Variants in LDB2 observed in about 807,000 individuals in gnomAD.
LDB2 encodes the protein LIM domain binding 2, also known as LIM domain-binding protein 2.
A neutral mutation model predicts 44.3 loss-of-function variants in LDB2; 12 were observed. That is an observed-to-expected ratio of 0.27 (90% CI 0.17 to 0.44). The LOEUF (loss-of-function observed/expected upper bound fraction) is 0.44, where lower values mean the gene tolerates loss of function less well. Ranked by LOEUF, LDB2 falls within the 20% of genes least tolerant of loss-of-function variation. The pLI, the probability that LDB2 is intolerant of heterozygous loss-of-function variation, is 1.00. For synonymous variants in LDB2, 164 were observed against 174.8 expected (o/e 0.94, Z 0.49); for missense variants, 344 against 473.5 (o/e 0.73, Z 2.54).
At chr4:16,843,386 T>C (rs1786273250) in intron 1 of LDB2, among the ~76,000 whole-genome samples, 1 of 152,196 alleles carries the variant, frequency 6.6e-6, no homozygotes, top group African/African-American at 2.4e-5. Context: ...CTCCAAAGAC[T>C]AGAGCCAGGT....
chr4:16,766,494 GTGTGTGTGTGTA>G (rs1306546878), intron 1 of LDB2, among the ~76,000 whole-genome samples: 20 of 116,332 alleles, frequency 1.7e-4, no homozygotes, highest in East Asian at 1.0e-3. Flanking sequence ...GTGTGTGTGT[GTGTGTGTGTGTA>G]TATATTTTTT....
chr4:16,763,136 C>T (rs200789669), intron 1 of LDB2, among the ~76,000 whole-genome samples: 2 of 144,614 alleles, frequency 1.4e-5, no homozygotes, highest in East Asian at 4.4e-4. Context: ...GTTTTGGTCA[C>T]AAATCTTGAA....
chr4:16,625,216 T>G (rs2152486426), intron 2 of LDB2, among the ~76,000 whole-genome samples: 1 of 152,334 alleles, frequency 6.6e-6, no homozygotes, highest in African/African-American at 2.4e-5. Flanking sequence ...AGCACAGAAC[T>G]TCTTATAGCC....
In LDB2 at chr4:16,508,928, C is replaced by G. The variant is rs934588471; in HGVS notation, c.740-242G>C. Among the ~76,000 whole-genome samples the G allele has an allele frequency of 9.2e-5, 14 of 151,818 alleles. 1 individual carries two copies. The highest frequency in any genetic ancestry group is 9.2e-4 in the Admixed American group (14 of 15,240). On this transcript the variant is annotated intron_variant, in intron 6 of 7. Coordinates refer to ENST00000304523, the MANE Select transcript of LDB2 (RefSeq NM_001290.5). ...AATAATTTTTATTTAATCATTCTCT[C>G]TAATGGTATGTATTTAATTTTGTAA...
intron 2 of LDB2, among the ~76,000 whole-genome samples, chr4:16,676,428 C>A (rs1274132293): frequency 1.3e-5 from 2 of 152,210 alleles, no homozygotes; most frequent in Non-Finnish European, 2.9e-5. Flanking sequence ...TAAGGGGAAG[C>A]CCCTTCGCCA....
intron 1 of LDB2, among the ~76,000 whole-genome samples, chr4:16,829,024 T>G (rs993716442): frequency 8.5e-5 from 13 of 152,172 alleles, no homozygotes; most frequent in Non-Finnish European, 1.3e-4. Flanking sequence ...TAAGAACACT[T>G]ACATTCTCAG....
At chr4:16,646,641 G>A (rs75458202) in intron 2 of LDB2, among the ~76,000 whole-genome samples, 2,970 of 152,284 alleles carry the variant, frequency 0.02, 27 homozygotes, top group East Asian at 0.04. Flanking sequence ...GACCGGCGGA[G>A]TTACAGCTGA....
At position 16,759,208 on chromosome 4, in the gene LDB2, T is replaced by C; in HGVS notation, c.185A>G (p.Asp62Gly). The change falls in exon 2 of 8, where the codon GAC becomes GGC. Residue 62 changes from aspartate to glycine, a missense_variant. Physicochemically the swap from Asp to Gly is moderately conservative, Grantham distance 94. This residue lies in a region of LDB2 where 226 missense variants were observed against 270.1 expected (regional missense o/e 0.84). Transcript: ENST00000304523. ...ACAAAATGAAAGGGTTAATGTGGCG[T>C]CATCTTCAAAAAATTCAGTGGCAAA... ...DAFATEFFED[D>G]ATLTLSFCLE... 1 of 1,614,122 alleles carries C rather than the reference T, an allele frequency of 6.2e-7. No individual in the cohort carries two copies. The highest frequency in any genetic ancestry group is 8.5e-7 in the Non-Finnish European group (1 of 1,179,990).
intron 2 of LDB2, among the ~76,000 whole-genome samples, chr4:16,727,975 T>C (rs994975265): frequency 1.3e-5 from 2 of 152,170 alleles, no homozygotes; most frequent in African/African-American, 4.8e-5. Context: ...GGAGCAGCCA[T>C]TTAAAAATGG....
intron 2 of LDB2, among the ~76,000 whole-genome samples, chr4:16,616,034 G>A (rs1448948825): frequency 6.6e-6 from 1 of 152,158 alleles, no homozygotes; most frequent in African/African-American, 2.4e-5. Flanking sequence ...TCCATGAAAT[G>A]CTCTTGCCTC....
At chr4:16,505,784 C>A in intron 7 of LDB2, 1 of 1,479,602 alleles carries the variant, frequency 6.8e-7, no homozygotes, top group Non-Finnish European at 9.0e-7. Context: ...GGAGGTGCCA[C>A]CAGCTCTCAC....
chr4:16,886,797 C>T (rs542559186), intron 1 of LDB2, among the ~76,000 whole-genome samples: 126 of 151,982 alleles, frequency 8.3e-4, no homozygotes, highest in African/African-American at 2.9e-3. Flanking sequence ...CTTTGGGAGG[C>T]CGAGGCAGGC....
At chr4:16,587,296 A>G (rs1317697426) in intron 4 of LDB2, among the ~76,000 whole-genome samples, 1 of 152,044 alleles carries the variant, frequency 6.6e-6, no homozygotes, top group African/African-American at 2.4e-5. Flanking sequence ...ACAGTCATTA[A>G]CTCTTAATTC....
chr4:16,755,473 G>GTGTA (rs1766345823), intron 2 of LDB2, among the ~76,000 whole-genome samples: 1 of 2,708 alleles, frequency 3.7e-4, no homozygotes, highest in Non-Finnish European at 9.8e-4. Flanking sequence ...TAGGAATAGG[G>GTGTA]TGTGTGTGTG....
chr4:16,581,977 AGG>A lies in LDB2; in HGVS notation c.615+3943_615+3944del, dbSNP rs1714739320. Among the ~76,000 whole-genome samples the A allele has an allele frequency of 2.6e-5, 3 of 117,458 alleles. No homozygotes were observed. The East Asian group carries it at 7.7e-4, about 30-fold the overall frequency. The allele number at this position is 117,458 out of a possible 152,430, so 77.1% of individuals were successfully genotyped here. A position where few individuals can be genotyped will look rare whatever the true frequency, so the allele number is the denominator to read the frequency against. ...GGGAAATAAAAGAAAGAAGGAAGGAAGGAAGGGAAGGAAGGGAAGGAAGGGAA... is the reference window on the plus strand; with the variant it reads ...GGGAAATAAAAGAAAGAAGGAAGGAAAAGGGAAGGAAGGGAAGGAAGGGAA... On this transcript the variant is annotated intron_variant, in intron 5 of 7. Coordinates refer to ENST00000304523, the MANE Select transcript of LDB2 (RefSeq NM_001290.5).
chr4:16,644,147 GCT>G (rs1227760265), intron 2 of LDB2, among the ~76,000 whole-genome samples: 1 of 152,204 alleles, frequency 6.6e-6, no homozygotes, highest in African/African-American at 2.4e-5. Flanking sequence ...GTTTGAAGAA[GCT>G]CTGTTTATAC....
chr4:16,755,505 G>GTGTGTGTGTGTGTT lies in LDB2; in HGVS notation c.235+3652_235+3653insAACACACACACACA, dbSNP rs1766366942. ...TGTGTGTGTGTGTGTGTGTGTGTGT[G>GTGTGTGTGTGTGTT]TGTGTGTGTGTGTGTGTGTATGTGA... is the stretch of plus-strand genomic sequence containing the variant. On this transcript the variant is annotated intron_variant, in intron 2 of 7. Transcript: ENST00000304523. 3.0e-5 allele frequency among the ~76,000 whole-genome samples: 3 copies of GTGTGTGTGTGTGTT among 99,284 alleles called. No homozygotes were observed. The Admixed American group carries it at 3.0e-4, about 10-fold the overall frequency. The allele number at this position is 99,284 out of a possible 152,430, so 65.1% of individuals were successfully genotyped here.
intron 5 of LDB2, among the ~76,000 whole-genome samples, chr4:16,557,236 C>T (rs62296923): frequency 5.3e-5 from 8 of 152,098 alleles, no homozygotes; most frequent in African/African-American, 1.7e-4. Flanking sequence ...GAGCACCGTG[C>T]GCAAGCCGAA....
intron 2 of LDB2, among the ~76,000 whole-genome samples, chr4:16,710,452 A>G (rs1294866809): frequency 6.6e-6 from 1 of 152,224 alleles, no homozygotes; most frequent in Non-Finnish European, 1.5e-5. Flanking sequence ...TGTCAGTAAC[A>G]TAATGATGTG....
Sources: allele counts gnomAD v4.1 joint callset (sites outside exome capture counted in the v4.1 genomes callset), GRCh38; gene constraint gnomAD v4.1.1; regional missense constraint gnomAD v4.1.1; transcripts MANE v1.5; gene names NCBI Gene and HGNC (gene_info 2026-07-23, HGNC 2026-07-21).